PCDH15: variants seen among roughly 807,000 people sequenced by gnomAD.
The protein encoded by PCDH15 is protocadherin related 15, also known as protocadherin-15.
PCDH15 carries 129 observed loss-of-function variants against 178.5 expected under a neutral mutation model. The observed-to-expected ratio is 0.72, with a 90% CI of 0.63 to 0.84. The LOEUF (loss-of-function observed/expected upper bound fraction) is 0.84, where lower values mean the gene tolerates loss of function less well. Among genes scored for constraint, PCDH15 ranks in the 40% least tolerant of loss-of-function variants. PCDH15 has a pLI of 0.00. For synonymous variants in PCDH15, 800 were observed against 732.0 expected (o/e 1.09, Z -1.50); for missense variants, 2,230 against 2,099.9 (o/e 1.06, Z -1.21).
intron 8 of PCDH15, among the ~76,000 whole-genome samples, chr10:54,286,195 A>C (rs188564115): frequency 1.9e-3 from 294 of 152,344 alleles, no homozygotes; most frequent in African/African-American, 6.8e-3. Context: ...AGAAGAAAGA[A>C]TTTTGAATGT....
At chr10:53,849,119 A>G (rs1257392687) in intron 28 of PCDH15, among the ~76,000 whole-genome samples, 2 of 152,132 alleles carry the variant, frequency 1.3e-5, no homozygotes, top group East Asian at 3.9e-4. Context: ...CAAAAGTTTG[A>G]ATACTAAAAA....
chr10:54,336,202 A>T (rs1024331831), intron 6 of PCDH15, among the ~76,000 whole-genome samples: 6 of 152,222 alleles, frequency 3.9e-5, no homozygotes, highest in Non-Finnish European at 7.3e-5. Context: ...AAAGTGAGAC[A>T]GAGCATAAAA....
chr10:55,201,110 T>C (rs1367079047), intron 1 of PCDH15, among the ~76,000 whole-genome samples: 1 of 152,064 alleles, frequency 6.6e-6, no homozygotes, highest in Non-Finnish European at 1.5e-5. Context: ...GGCCAAACAA[T>C]GAGTTCCTTA....
At chr10:54,164,602 T>C (rs552393906) in intron 13 of PCDH15, among the ~76,000 whole-genome samples, 1 of 152,348 alleles carries the variant, frequency 6.6e-6, no homozygotes, top group South Asian at 2.1e-4. Flanking sequence ...TAAGTGAATC[T>C]ATCTATGGTT....
chr10:55,212,724 G>A (rs1454766009), intron 1 of PCDH15, among the ~76,000 whole-genome samples: 1 of 151,998 alleles, frequency 6.6e-6, no homozygotes, highest in African/African-American at 2.4e-5. Context: ...AGTCAGCAGA[G>A]TAGCATAAGC....
chr10:55,512,087 T>C (rs954669076), intron 2 of PCDH15, among the ~76,000 whole-genome samples: 7 of 152,060 alleles, frequency 4.6e-5, no homozygotes, highest in African/African-American at 1.7e-4. Flanking sequence ...TTTAATAAGA[T>C]GCAATTAAAG....
At chr10:55,053,857 T>C (rs1841226258) in intron 2 of PCDH15, among the ~76,000 whole-genome samples, 1 of 152,194 alleles carries the variant, frequency 6.6e-6, no homozygotes, top group South Asian at 2.1e-4. Flanking sequence ...GAAATAATCA[T>C]TGCTTCTCTT....
chr10:54,806,246 A>T (rs1467342808), upstream of PCDH15, among the ~76,000 whole-genome samples: 1 of 152,182 alleles, frequency 6.6e-6, no homozygotes, highest in East Asian at 1.9e-4. Flanking sequence ...CAGTTTTTAT[A>T]TGCTGGATGT....
intron 25 of PCDH15, among the ~76,000 whole-genome samples, chr10:53,919,751 C>T (rs968376248): frequency 1.2e-4 from 18 of 151,908 alleles, no homozygotes; most frequent in African/African-American, 4.1e-4. Context: ...GGGAGCAAGG[C>T]GGTTTATTTC....
At chr10:55,217,467 T>C (rs1220834550) in intron 1 of PCDH15, among the ~76,000 whole-genome samples, 4 of 151,916 alleles carry the variant, frequency 2.6e-5, no homozygotes, top group African/African-American at 9.7e-5. Flanking sequence ...ATGTTCACTG[T>C]TAAACGTTTT....
chr10:55,463,803 T>G (rs1380931284), intron 2 of PCDH15, among the ~76,000 whole-genome samples: 1 of 150,544 alleles, frequency 6.6e-6, no homozygotes. Context: ...CTTCAACAAG[T>G]GTAATAATTT....
chr10:54,425,242 T>G (rs1323943475), intron 3 of PCDH15, among the ~76,000 whole-genome samples: 1 of 152,094 alleles, frequency 6.6e-6, no homozygotes, highest in Non-Finnish European at 1.5e-5. Context: ...TGAAAGTTCC[T>G]CCCTCATGAG....
At chr10:55,609,461 G>GT (rs1843313909) in intron 2 of PCDH15, among the ~76,000 whole-genome samples, 1 of 152,036 alleles carries the variant, frequency 6.6e-6, no homozygotes, top group Non-Finnish European at 1.5e-5. Context: ...TTAATAATCT[G>GT]TAAAGTATTG....
intron 35 of PCDH15, among the ~76,000 whole-genome samples, chr10:53,812,927 T>C (rs1053304505): frequency 7.2e-5 from 11 of 152,176 alleles, no homozygotes; most frequent in African/African-American, 2.7e-4. Context: ...GGCACAAATA[T>C]GTCATTTGCG....
intron 2 of PCDH15, among the ~76,000 whole-genome samples, chr10:54,622,152 T>C (rs1448260835): frequency 2.0e-5 from 3 of 151,778 alleles, no homozygotes; most frequent in Middle Eastern, 3.4e-3. Context: ...TGTAAAGGAG[T>C]ACCATCCCTG....
intron 2 of PCDH15, among the ~76,000 whole-genome samples, chr10:54,561,077 G>T (rs1404980976): frequency 1.3e-5 from 2 of 152,060 alleles, no homozygotes; most frequent in South Asian, 2.1e-4. Context: ...GAAAATATGA[G>T]AAAATAACTT....
At chr10:55,092,229 T>C (rs1227952328) in intron 2 of PCDH15, among the ~76,000 whole-genome samples, 1 of 151,908 alleles carries the variant, frequency 6.6e-6, no homozygotes, top group East Asian at 1.9e-4. Context: ...CTTCCCTCTA[T>C]ATAAACTCAC....
intron 10 of PCDH15, among the ~76,000 whole-genome samples, chr10:54,203,892 C>G (rs1036642781): frequency 6.6e-6 from 1 of 152,126 alleles, no homozygotes; most frequent in Admixed American, 6.6e-5. Context: ...ATTCAACTCT[C>G]AAGTAGACAA....
intron 2 of PCDH15, among the ~76,000 whole-genome samples, chr10:55,056,761 T>A (rs1841318067): frequency 6.6e-6 from 1 of 151,624 alleles, no homozygotes; most frequent in South Asian, 2.1e-4. Flanking sequence ...GCCTCCCGAG[T>A]AGCTGGGATT....
Sources: allele counts gnomAD v4.1 joint callset (sites outside exome capture counted in the v4.1 genomes callset), GRCh38; gene constraint gnomAD v4.1.1; transcripts MANE v1.5; gene names NCBI Gene and HGNC (gene_info 2026-07-23, HGNC 2026-07-21).